TEX2: variants seen among roughly 807,000 people sequenced by gnomAD.
The protein encoded by TEX2 is testis expressed 2, also known as testis-expressed protein 2.
Under a neutral mutation model 106.9 loss-of-function variants are expected in TEX2, and 53 were observed. That is an observed-to-expected ratio of 0.50 (90% CI 0.40 to 0.62). The LOEUF is 0.62. Among genes scored for constraint, TEX2 ranks in the 20% least tolerant of loss-of-function variants. The pLI, the probability that TEX2 is intolerant of heterozygous loss-of-function variation, is 0.00. For synonymous variants in TEX2, 523 were observed against 534.8 expected (o/e 0.98, Z 0.30); for missense variants, 1,207 against 1,379.0 (o/e 0.88, Z 1.98).
intron 1 of TEX2, among the ~76,000 whole-genome samples, chr17:64,258,682 A>G (rs1268142823): frequency 6.6e-6 from 1 of 152,134 alleles, no homozygotes; most frequent in Non-Finnish European, 1.5e-5. Context: ...GATTCTTAGA[A>G]TCATAAACTC....
At position 64,195,013 on chromosome 17, in the gene TEX2, C is replaced by T; in HGVS notation, c.1727G>A (p.Gly576Asp). 1 of 1,614,122 alleles carries T rather than the reference C, an allele frequency of 6.2e-7. No individual in the cohort carries two copies. The highest frequency in any genetic ancestry group is 8.5e-7 in the Non-Finnish European group (1 of 1,180,016). ...GGGCTTTGAAAGTCTTAAGGTTCCA[C>T]CCTCAAGTCGAACAAAGACTGAATG... ...LTHSVFVRLEGGTLRLSKPNK... is the reference protein window; with the variant it reads ...LTHSVFVRLEDGTLRLSKPNK... Residue 576 changes from glycine to aspartate, a missense_variant, in exon 3 of 12, where the codon GGT becomes GAT. Coordinates refer to ENST00000584379, the MANE Select transcript of TEX2 (RefSeq NM_001288732.2). This position sits in a 1 kb window ranked among gnomAD's most constrained non-coding sequence, Gnocchi z 4.1.
rs1398934155 is a variant in TEX2, at chr17:64,213,709, G to C, written c.509C>G (p.Ser170Cys). Residue 170 changes from serine to cysteine, a missense_variant, in exon 2 of 12, where the codon TCT (serine) becomes TGT (cysteine). Transcript: ENST00000584379. The surrounding 1 kb of genome is among the most constrained non-coding windows in gnomAD (Gnocchi z 4.4). ...SSSPLSSPSKSPILSSSASTS... is the reference protein window; with the variant it reads ...SSSPLSSPSKCPILSSSASTS... ...TGAGGCACTGGATGAGAGGATGGGA[G>C]ACTTAGAAGGAGAGGACAATGGGGA... 1 of 1,614,194 alleles carries C rather than the reference G, an allele frequency of 6.2e-7. No individual in the cohort carries two copies. Among genetic ancestry groups the C allele is most frequent in the East Asian group, 2.2e-5 (1 of 44,888 alleles).
intron 7 of TEX2, among the ~76,000 whole-genome samples, chr17:64,170,654 CAG>C (rs1361253359): frequency 8.2e-5 from 2 of 24,498 alleles, no homozygotes; most frequent in African/African-American, 2.4e-4. Flanking sequence ...TTTTGTGAGA[CAG>C]AGTCTCGCTC....
rs1452094929 is a variant in TEX2 at position 64,153,314 on chromosome 17, T to C, written c.2931-160A>G. On this transcript the variant is annotated intron_variant, in intron 9 of 11. Transcript: ENST00000584379. The surrounding 1 kb of genome is among the most constrained non-coding windows in gnomAD (Gnocchi z 4.1). ...GGGGCATCCTGTGCATTGCAGGGTG[T>C]TCAGCAGCATCCCTGGTCTCTACCT... Among the ~76,000 whole-genome samples, 1 of 152,192 alleles carries C rather than the reference T, an allele frequency of 6.6e-6. No homozygotes were observed. The highest frequency in any genetic ancestry group is 2.4e-5 in the African/African-American group (1 of 41,450).
At chr17:64,254,200 C>A (rs901373108) in intron 1 of TEX2, among the ~76,000 whole-genome samples, 1 of 152,220 alleles carries the variant, frequency 6.6e-6, no homozygotes, top group African/African-American at 2.4e-5. Flanking sequence ...GACATCATAG[C>A]ATCAAATCAA....
Position 64,242,825 on chromosome 17 carries a change from C to T in TEX2, c.-26+20343G>A, listed in dbSNP as rs1367139837. Among the ~76,000 whole-genome samples the T allele has an allele frequency of 2.0e-5, 3 of 152,184 alleles. No homozygotes were observed. In the East Asian group the frequency reaches 5.8e-4, roughly 29 times the overall value. On this transcript the variant is annotated intron_variant, in intron 1 of 11. Coordinates refer to ENST00000584379, the MANE Select transcript of TEX2 (RefSeq NM_001288732.2). Reference sequence around the variant, plus strand: ...ATTTGGCCAGGTGCAGGGGCTCATACCTATGATCCCAACACGTTTGGAAGC... The same window carrying T: ...ATTTGGCCAGGTGCAGGGGCTCATATCTATGATCCCAACACGTTTGGAAGC...
At chr17:64,186,218 G>A (rs768550038) in intron 5 of TEX2, among the ~76,000 whole-genome samples, 1 of 152,190 alleles carries the variant, frequency 6.6e-6, no homozygotes, top group Non-Finnish European at 1.5e-5. Context: ...TCTGATGAGA[G>A]TCCAGACAGC....
At chr17:64,170,965 G>T in intron 7 of TEX2, 135 bp downstream of exon 7, 1 of 716,328 alleles carries the variant, frequency 1.4e-6, no homozygotes, top group Non-Finnish European at 2.3e-6. Flanking sequence ...TGACTGGTAA[G>T]AACAGAAAGA....
At chr17:64,189,769 G>A (rs1023988417) in intron 4 of TEX2, among the ~76,000 whole-genome samples, 2 of 152,126 alleles carry the variant, frequency 1.3e-5, no homozygotes, top group South Asian at 2.1e-4. Flanking sequence ...ATCACTTCAG[G>A]TCAGGAGTTC....
chr17:64,166,695 T>C (rs1012206999), intron 7 of TEX2, among the ~76,000 whole-genome samples: 3 of 152,256 alleles, frequency 2.0e-5, no homozygotes, highest in Admixed American at 2.0e-4. Flanking sequence ...TATCTCTGAA[T>C]GGTGGGATGA....
intron 1 of TEX2, among the ~76,000 whole-genome samples, chr17:64,241,651 A>T (rs1327981263): frequency 2.6e-5 from 4 of 151,870 alleles, no homozygotes; most frequent in African/African-American, 4.8e-5. Context: ...ATTTTTTTTT[A>T]AAGGCAGGAT....
In TEX2 at chr17:64,198,156, G is replaced by A. The variant is rs1347140122; in HGVS notation, c.1645-3061C>T. On this transcript the variant is annotated intron_variant, in intron 2 of 11. Coordinates refer to ENST00000584379, the MANE Select transcript of TEX2 (RefSeq NM_001288732.2). Reference sequence around the variant, plus strand: ...ATGGTCTATCTTGGTTCCAAGTGCAGTTAAAAAAAATGCATTCTGCTGTTG... The same window carrying A: ...ATGGTCTATCTTGGTTCCAAGTGCAATTAAAAAAAATGCATTCTGCTGTTG... Among the ~76,000 whole-genome samples, 2 of 151,646 alleles carry A rather than the reference G, an allele frequency of 1.3e-5. 1 individual carries two copies. The highest frequency in any genetic ancestry group is 4.2e-4 in the South Asian group (2 of 4,810).
intron 5 of TEX2, among the ~76,000 whole-genome samples, chr17:64,181,249 G>A (rs927305043): frequency 7.2e-5 from 11 of 152,016 alleles, no homozygotes; most frequent in Non-Finnish European, 1.3e-4. Flanking sequence ...AGGCCAAGGC[G>A]GGCAAATCAC....
chr17:64,215,064 G>C (rs1181088143), intron 1 of TEX2, among the ~76,000 whole-genome samples: 1 of 152,220 alleles, frequency 6.6e-6, no homozygotes, highest in East Asian at 1.9e-4. Flanking sequence ...TATGCTTTCT[G>C]CCCTTCTGGA....
rs769960633 is a variant in TEX2 at position 64,215,452 on chromosome 17, C to T, written c.-25-1210G>A. Among the ~76,000 whole-genome samples the T allele has an allele frequency of 2.0e-4, 30 of 152,282 alleles. No individual in the cohort carries two copies. The South Asian group carries it at 2.3e-3, about 12-fold the overall frequency. ...CAATGGGCATGGTGTGTGCAGCCAC[C>T]TGGCTCTATTCTGTTTCCAGGACAG... On this transcript the variant is annotated intron_variant, in intron 1 of 11. Coordinates refer to ENST00000584379, the MANE Select transcript of TEX2 (RefSeq NM_001288732.2).
At chr17:64,223,816 A>C (rs2033433000) in intron 1 of TEX2, among the ~76,000 whole-genome samples, 1 of 151,448 alleles carries the variant, frequency 6.6e-6, no homozygotes, top group Non-Finnish European at 1.5e-5. Flanking sequence ...CCCAGGTTCA[A>C]GCGATTCTCC....
chr17:64,210,947 G>A lies in TEX2; in HGVS notation c.1644+1627C>T, dbSNP rs556876091. On this transcript the variant is annotated intron_variant, in intron 2 of 11. Transcript: ENST00000584379. ...CACAAAGGCTCCAAAGCCTACCTCTGTTACTTATTTTATTATTATTATTAT... is the reference window on the plus strand; with the variant it reads ...CACAAAGGCTCCAAAGCCTACCTCTATTACTTATTTTATTATTATTATTAT... Among the ~76,000 whole-genome samples the A allele has an allele frequency of 4.2e-4, 63 of 151,800 alleles. 1 individual carries two copies. The highest frequency in any genetic ancestry group is 3.4e-3 in the Middle Eastern group (1 of 294).
At chr17:64,169,811 T>G (rs754287373) in intron 7 of TEX2, among the ~76,000 whole-genome samples, 10 of 152,204 alleles carry the variant, frequency 6.6e-5, no homozygotes, top group Non-Finnish European at 1.0e-4. Context: ...CAACTATCAC[T>G]CTCTTGAAAA....
chr17:64,189,682 G>C (rs1320668230), intron 4 of TEX2, among the ~76,000 whole-genome samples: 1 of 152,108 alleles, frequency 6.6e-6, no homozygotes, highest in Admixed American at 6.6e-5. Flanking sequence ...GAAACGTAAA[G>C]TGGTTAAAAT....
Sources: gnomAD v4.1 joint callset for allele counts (sites outside exome capture counted in the v4.1 genomes callset) on GRCh38, gnomAD v4.1.1 for gene constraint, Gnocchi (gnomAD v3.1) non-coding constraint, MANE v1.5 for transcripts, NCBI Gene and HGNC (gene_info 2026-07-23, HGNC 2026-07-21) for gene names.